The following CFAP100 variants were observed in gnomAD, a reference collection of about 807,000 sequenced individuals.
CFAP100 encodes cilia and flagella associated protein 100, also known as cilia- and flagella-associated protein 100.
CFAP100 carries 70 observed loss-of-function variants against 81.5 expected under a neutral mutation model. The observed-to-expected ratio is 0.86, with a 90% CI of 0.71 to 1.05. The LOEUF (loss-of-function observed/expected upper bound fraction) is 1.05, where lower values mean the gene tolerates loss of function less well. CFAP100 is among the 50% of genes least tolerant of loss of function. The probability of loss-of-function intolerance (pLI) is 0.00; values close to 1 mark genes in which losing one functional copy is unlikely to be tolerated. For missense variants in CFAP100, 811 were observed against 776.5 expected (o/e 1.04, Z -0.53); for synonymous variants, 341 against 314.8 (o/e 1.08, Z -0.88).
Position 126,436,278 on chromosome 3 carries a change from G to A in CFAP100, c.1723-13G>A, listed in dbSNP as rs764144913. ...CTAGGCAGCAAGGCTCACTGGGCTT[G>A]TTTCCCCTGCAGAGAGGCAGGACAC... On this transcript the variant is annotated splice_polypyrimidine_tract_variant and intron_variant, in intron 16 of 16. Transcript: ENST00000352312. 6.8e-6 allele frequency: 11 copies of A among 1,609,666 alleles called. No individual in the cohort carries two copies. Among genetic ancestry groups the A allele is most frequent in the Non-Finnish European group, 9.3e-6 (11 of 1,176,526 alleles).
At chr3:126,435,945 C>T (rs966043018) in intron 16 of CFAP100, among the ~76,000 whole-genome samples, 6 of 152,188 alleles carry the variant, frequency 3.9e-5, no homozygotes, top group South Asian at 2.1e-4. Context: ...ACCCTACCCA[C>T]ACTCCGGCCA....
intron 13 of CFAP100, 48 bp from the exon 14 acceptor site, chr3:126,433,020 CA>C: frequency 6.2e-7 from 1 of 1,608,126 alleles, no homozygotes; most frequent in Non-Finnish European, 8.5e-7. Flanking sequence ...GCGATGTGCC[CA>C]GGGCTGTGCT....
rs529219029 is a variant in CFAP100 at position 126,397,040 on chromosome 3, C to T, written c.49+991C>T. ...TCTTCTAGGCTACCAGCTCAGTGCA[C>T]ATACAGGCAAATGTGTGTAGATGAG... On this transcript the variant is annotated intron_variant, in intron 2 of 16. Coordinates refer to ENST00000352312, the MANE Select transcript of CFAP100 (RefSeq NM_182628.3). Among the ~76,000 whole-genome samples the T allele has an allele frequency of 9.8e-5, 15 of 152,308 alleles. No homozygotes were observed. In the Middle Eastern group the frequency reaches 0.01, roughly 104 times the overall value.
intron 4 of CFAP100, among the ~76,000 whole-genome samples, chr3:126,415,665 C>T (rs1024213461): frequency 6.6e-6 from 1 of 152,124 alleles, no homozygotes; most frequent in East Asian, 1.9e-4. Flanking sequence ...CGTGAAGAGA[C>T]TCCCGGGGCC....
chr3:126,418,987 G>A, intron 7 of CFAP100, 89 bp from the exon 8 acceptor site: 4 of 992,704 alleles, frequency 4.0e-6, no homozygotes, highest in Non-Finnish European at 5.9e-6. Context: ...CCCAGCCCTG[G>A]GGCCTGTGGG....
chr3:126,402,065 G>T (rs1244360132), intron 2 of CFAP100, among the ~76,000 whole-genome samples: 1 of 152,186 alleles, frequency 6.6e-6, no homozygotes, highest in Non-Finnish European at 1.5e-5. Context: ...TGGACTCCAG[G>T]AAGGTAGGCA....
At chr3:126,420,368 A>T in intron 11 of CFAP100, 139 bp downstream of exon 11, 1 of 1,277,644 alleles carries the variant, frequency 7.8e-7, no homozygotes, top group Non-Finnish European at 1.1e-6. Flanking sequence ...AGGGCCAGAC[A>T]GGGACGTCCC....
At position 126,436,486 on chromosome 3, in the gene CFAP100, T is replaced by C; in HGVS notation, c.*82T>C. The C allele has an allele frequency of 1.0e-6, 1 of 973,512 alleles. No homozygotes were observed. The highest frequency in any genetic ancestry group is 1.6e-5 in the African/African-American group (1 of 62,038). 60.3% of individuals were successfully genotyped at this position (973,512 alleles called of 1,614,324 possible). On this transcript the variant is annotated 3_prime_UTR_variant, in exon 17 of 17. Coordinates refer to ENST00000352312, the MANE Select transcript of CFAP100 (RefSeq NM_182628.3). ...AGCAGAGACTGGGCTGGGTCTCGAG[T>C]GGCCCAACTGAGTCCTCTCTGTCTC...
At chr3:126,405,967 G>C (rs953971199) in intron 2 of CFAP100, among the ~76,000 whole-genome samples, 1 of 152,010 alleles carries the variant, frequency 6.6e-6, no homozygotes, top group Admixed American at 6.6e-5. Flanking sequence ...ATAGGGTTTT[G>C]GTTTGTGTCG....
chr3:126,428,194 A>G (rs1933033775), intron 13 of CFAP100, among the ~76,000 whole-genome samples: 2 of 152,254 alleles, frequency 1.3e-5, no homozygotes, highest in South Asian at 4.1e-4. Context: ...GAAATGAGCT[A>G]TCAGGTCATG....
chr3:126,433,225 G>A (rs2107619683), intron 14 of CFAP100, 21 bp downstream of exon 14: 1 of 1,613,674 alleles, frequency 6.2e-7, no homozygotes, highest in Non-Finnish European at 8.5e-7. Context: ...GATCAAGGTG[G>A]CCAGAGGCCC....
At chr3:126,413,999 G>T (rs1447827490) in intron 3 of CFAP100, 86 bp from the exon 4 acceptor site, 3 of 856,130 alleles carry the variant, frequency 3.5e-6, no homozygotes, top group Non-Finnish European at 6.0e-6. Context: ...TCCATGCTGG[G>T]CTGGGAAGGC....
At chr3:126,432,963 C>A in intron 13 of CFAP100, 106 bp from the exon 14 acceptor site, 1 of 1,352,944 alleles carries the variant, frequency 7.4e-7, no homozygotes, top group East Asian at 2.5e-5. Context: ...CTTCAGCCCT[C>A]AGGACAGCTG....
At chr3:126,416,173 T>G in intron 4 of CFAP100, 143 bp from the exon 5 acceptor site, 1 of 644,624 alleles carries the variant, frequency 1.6e-6, no homozygotes, top group Non-Finnish European at 2.5e-6. Flanking sequence ...CCTGCCTGCT[T>G]GGCTCTCAGC....
intron 11 of CFAP100, 110 bp downstream of exon 11, chr3:126,420,339 C>A: frequency 1.4e-6 from 2 of 1,438,572 alleles, no homozygotes; most frequent in Non-Finnish European, 1.9e-6. Flanking sequence ...GTGTGTTACT[C>A]ACAGTCCCTA....
chr3:126,405,567 G>A lies in CFAP100; in HGVS notation c.50-1605G>A, dbSNP rs531296988. 3.3e-5 allele frequency among the ~76,000 whole-genome samples: 5 copies of A among 152,276 alleles called. No homozygotes were observed. In the South Asian group the frequency reaches 1.0e-3, roughly 32 times the overall value. ...AGTCCCAGCTACTTGGGAGGCTGAG[G>A]CAGGAGAATCGCTTGAACCTGGGAG... On this transcript the variant is annotated intron_variant, in intron 2 of 16. Coordinates refer to ENST00000352312, the MANE Select transcript of CFAP100 (RefSeq NM_182628.3).
chr3:126,434,467 C>T (rs12631210), intron 15 of CFAP100, 86 bp downstream of exon 15: 24,060 of 1,330,614 alleles, frequency 0.018, 1,156 homozygotes, highest in African/African-American at 0.16. Context: ...CCTCAAAGCA[C>T]TCCCAGGAGA....
rs1323644922 is a variant in CFAP100, at chr3:126,419,146, A to C, written c.721A>C (p.Asn241His). ...EIRDLTTQIV[N>H]IKSEISRFED... ...CCGGGACCTCACCACCCAGATTGTTAATATCAAAAGGTGAGGTCAGAGGGC... is the reference window on the plus strand; with the variant it reads ...CCGGGACCTCACCACCCAGATTGTTCATATCAAAAGGTGAGGTCAGAGGGC... The change falls in exon 8 of 17, where the codon AAT becomes CAT. Residue 241 changes from asparagine (N) to histidine (H), a missense_variant. Physicochemically the swap from Asn to His is moderately conservative, Grantham distance 68. Coordinates refer to ENST00000352312, the MANE Select transcript of CFAP100 (RefSeq NM_182628.3). The C allele has an allele frequency of 2.6e-6, 4 of 1,514,116 alleles. No individual in the cohort carries two copies. The highest frequency in any genetic ancestry group is 1.4e-5 in the African/African-American group (1 of 71,602). The allele number at this position is 1,514,116 out of a possible 1,614,324, so 93.8% of individuals were successfully genotyped here. A position where few individuals can be genotyped will look rare whatever the true frequency, so the allele number is the denominator to read the frequency against.
At chr3:126,401,591 C>G (rs1437619790) in intron 2 of CFAP100, among the ~76,000 whole-genome samples, 1 of 150,822 alleles carries the variant, frequency 6.6e-6, no homozygotes, top group African/African-American at 2.4e-5. Flanking sequence ...ACAGGGGGAT[C>G]AGGAAGGCTT....
Sources: allele counts gnomAD v4.1 joint callset (sites outside exome capture counted in the v4.1 genomes callset), GRCh38; gene constraint gnomAD v4.1.1; transcripts MANE v1.5; gene names NCBI Gene and HGNC (gene_info 2026-07-23, HGNC 2026-07-21).